Variants in LARP4 observed in about 807,000 individuals in gnomAD.
The protein encoded by LARP4 is La ribonucleoprotein 4.
A neutral mutation model predicts 92.9 loss-of-function variants in LARP4; 29 were observed. The observed-to-expected ratio is 0.31, with a 90% CI of 0.23 to 0.43. LARP4 has a LOEUF of 0.43. Among genes scored for constraint, LARP4 ranks in the 20% least tolerant of loss-of-function variants. LARP4 has a pLI of 1.00. For missense variants in LARP4, 732 were observed against 860.0 expected (o/e 0.85, Z 1.86); for synonymous variants, 279 against 284.1 (o/e 0.98, Z 0.18).
At chr12:50,413,215 T>C (rs1946214923) in intron 1 of LARP4, among the ~76,000 whole-genome samples, 1 of 81,634 alleles carries the variant, frequency 1.2e-5, no homozygotes, top group Admixed American at 1.7e-4. Context: ...AGAGTGAGAC[T>C]GTGTCTCAAA....
At chr12:50,430,087 C>T (rs1949420379) in intron 3 of LARP4, among the ~76,000 whole-genome samples, 1 of 152,076 alleles carries the variant, frequency 6.6e-6, no homozygotes, top group South Asian at 2.1e-4. Context: ...ATAAAAAATA[C>T]AGTTTGGGCC....
At chr12:50,440,320 G>A (rs1014388922) in intron 6 of LARP4, 119 bp from the exon 7 acceptor site, 24 of 689,086 alleles carry the variant, frequency 3.5e-5, no homozygotes, top group Non-Finnish European at 6.1e-5. Context: ...CAAAAGTTAA[G>A]TGAAGTGATA....
chr12:50,447,865 C>A (rs57594106), intron 8 of LARP4, among the ~76,000 whole-genome samples: 17,472 of 151,800 alleles, frequency 0.12, 1,853 homozygotes, highest in African/African-American at 0.28. Flanking sequence ...CACTCCCCCC[C>A]CATTTTTTTC....
In LARP4 at chr12:50,475,717, T is replaced by C; in HGVS notation, c.2028T>C (p.Tyr676=). 1 of 1,614,146 alleles carries C rather than the reference T, an allele frequency of 6.2e-7. No individual in the cohort carries two copies. Among genetic ancestry groups the C allele is most frequent in the Non-Finnish European group, 8.5e-7 (1 of 1,180,036 alleles). Residue 676 remains tyrosine (Y), a synonymous_variant, in exon 16 of 16, where the codon TAT becomes TAC. Transcript: ENST00000398473. ...CAGAAGCAAGGGCTAGTAAGGATTA[T>C]TCTGGCTTCCGAGGCAATATAATCC... The part of the protein sequence containing the change: ...EKPEARASKD[Y]SGFRGNIIPR...
At chr12:50,429,485 C>T (rs1263980414) in intron 3 of LARP4, among the ~76,000 whole-genome samples, 1 of 151,890 alleles carries the variant, frequency 6.6e-6, no homozygotes, top group Non-Finnish European at 1.5e-5. Flanking sequence ...TGGCATGCAC[C>T]TATAATCCCA....
chr12:50,473,838 G>A (rs987752342), intron 14 of LARP4, among the ~76,000 whole-genome samples, 161 bp from the exon 15 acceptor site: 4 of 146,430 alleles, frequency 2.7e-5, no homozygotes, highest in African/African-American at 7.5e-5. Context: ...GGTGCGGGGC[G>A]GGCAGAGGTT....
At chr12:50,449,409 T>C (rs1271192929) in intron 8 of LARP4, among the ~76,000 whole-genome samples, 1 of 152,224 alleles carries the variant, frequency 6.6e-6, no homozygotes, top group African/African-American at 2.4e-5. Flanking sequence ...CATGATTCTC[T>C]GTCCTTTCTC....
intron 1 of LARP4, chr12:50,416,382 C>G (rs765769661): frequency 2.0e-5 from 3 of 152,094 alleles, no homozygotes; most frequent in African/African-American, 7.2e-5. Flanking sequence ...TTCAGATGAC[C>G]GGGTGCCGTG....
intron 8 of LARP4, among the ~76,000 whole-genome samples, chr12:50,450,510 G>T (rs990081818): frequency 1.3e-5 from 2 of 152,006 alleles, no homozygotes; most frequent in Non-Finnish European, 2.9e-5. Context: ...TTAAATTCAG[G>T]CTGTATGGTT....
chr12:50,428,808 C>T, intron 2 of LARP4, 127 bp from the exon 3 acceptor site: 1 of 656,996 alleles, frequency 1.5e-6, no homozygotes, highest in South Asian at 2.4e-5. Context: ...TTGCTTAAAA[C>T]CATGCGGACA....
chr12:50,404,724 T>C (rs1944483044), intron 1 of LARP4, among the ~76,000 whole-genome samples: 1 of 146,624 alleles, frequency 6.8e-6, no homozygotes, highest in African/African-American at 2.6e-5. Flanking sequence ...GTTTCCACTC[T>C]TGTTGCCCAG....
intron 10 of LARP4, among the ~76,000 whole-genome samples, chr12:50,455,856 G>A (rs1954131530): frequency 6.6e-6 from 1 of 152,110 alleles, no homozygotes; most frequent in South Asian, 2.1e-4. Context: ...AGAGCAGCCT[G>A]GGCAATATGA....
chr12:50,451,822 G>A (rs952545370), intron 8 of LARP4, among the ~76,000 whole-genome samples: 7 of 151,846 alleles, frequency 4.6e-5, no homozygotes, highest in East Asian at 1.9e-4. Context: ...GGGCCACAGA[G>A]TGAGACTCTG....
At chr12:50,440,936 T>G (rs984685495) in intron 7 of LARP4, among the ~76,000 whole-genome samples, 1 of 150,452 alleles carries the variant, frequency 6.6e-6, no homozygotes, top group African/African-American at 2.5e-5. Flanking sequence ...CGGGCTGGAG[T>G]GCAGTGGCGC....
intron 12 of LARP4, among the ~76,000 whole-genome samples, chr12:50,464,878 CAG>C (rs1409924751): frequency 2.0e-5 from 3 of 151,136 alleles, no homozygotes; most frequent in Non-Finnish European, 2.9e-5. Context: ...ATAGTAGAGA[CAG>C]GGTTTCACCA....
chr12:50,422,419 A>G (rs1947960538), intron 1 of LARP4, among the ~76,000 whole-genome samples: 1 of 152,156 alleles, frequency 6.6e-6, no homozygotes, highest in Admixed American at 6.6e-5. Context: ...CAGTTTTCAT[A>G]CATTTCCATA....
intron 5 of LARP4, among the ~76,000 whole-genome samples, chr12:50,436,096 C>A (rs1950392868): frequency 1.0e-5 from 1 of 100,448 alleles, no homozygotes; most frequent in Admixed American, 1.1e-4. Flanking sequence ...TGTGTGTATC[C>A]CGCTGGTGTG....
chr12:50,401,021 T>A lies in LARP4; in HGVS notation c.11T>A (p.Phe4Tyr), dbSNP rs772183477. ...TGAGCAGAGGACGACATGTTGCTTT[T>A]CGTGGAGGTGAGTGCATTATGCTAG... Reference protein sequence around the residue: MLLFVEQVASKGTG... With the variant: MLLYVEQVASKGTG... Residue 4 changes from phenylalanine (F) to tyrosine (Y), a missense_variant, in exon 1 of 16, where the codon TTC becomes TAC. Around this residue, in one of 7 missense-constraint regions of LARP4, gnomAD observed 236 missense variants for 307.6 expected, o/e 0.77. Transcript: ENST00000398473. 4 of 1,614,116 alleles carry A rather than the reference T, an allele frequency of 2.5e-6. No individual in the cohort carries two copies. Among genetic ancestry groups the A allele is most frequent in the African/African-American group, 1.3e-5 (1 of 75,036 alleles).
intron 1 of LARP4, among the ~76,000 whole-genome samples, chr12:50,410,158 G>T (rs958040302): frequency 6.6e-6 from 1 of 151,680 alleles, no homozygotes; most frequent in Non-Finnish European, 1.5e-5. Flanking sequence ...ATTTAAGTTC[G>T]TTTGTGTAGT....
Sources: gnomAD v4.1 joint callset for allele counts (sites outside exome capture counted in the v4.1 genomes callset) on GRCh38, gnomAD v4.1.1 for gene constraint, gnomAD v4.1.1 regional missense constraint, MANE v1.5 for transcripts, NCBI Gene and HGNC (gene_info 2026-07-23, HGNC 2026-07-21) for gene names.